Variants in SNX29 observed in about 807,000 individuals in gnomAD.
SNX29 encodes the protein sorting nexin-29.
SNX29 carries 78 observed loss-of-function variants against 102.1 expected under a neutral mutation model. The observed-to-expected ratio is 0.76, with a 90% confidence interval of 0.64 to 0.92. The LOEUF is 0.92. Ranked by LOEUF, SNX29 falls within the 40% of genes least tolerant of loss-of-function variation. The pLI is 0.00. For missense variants in SNX29, 1,280 were observed against 1,061.7 expected (o/e 1.21, Z -2.86); for synonymous variants, 580 against 414.5 (o/e 1.40, Z -4.85).
chr16:12,125,902 ACC>A (rs2054195623), intron 11 of SNX29, among the ~76,000 whole-genome samples: 1 of 151,760 alleles, frequency 6.6e-6, no homozygotes, highest in East Asian at 1.9e-4. Context: ...AGCACTGGGG[ACC>A]CCCTTCTCCC....
At chr16:12,251,080 C>T (rs1395175096) in intron 14 of SNX29, among the ~76,000 whole-genome samples, 1 of 152,226 alleles carries the variant, frequency 6.6e-6, no homozygotes, top group African/African-American at 2.4e-5. Context: ...TCACCAAGAT[C>T]CTGCTTTGTT....
intron 16 of SNX29, among the ~76,000 whole-genome samples, chr16:12,368,917 G>A (rs9284322): frequency 0.52 from 79,199 of 151,932 alleles, 21,158 homozygotes; most frequent in Non-Finnish European, 0.59. Context: ...CATCTGAACC[G>A]GGTGCACAGA....
intron 16 of SNX29, among the ~76,000 whole-genome samples, chr16:12,356,871 C>G (rs1429540223): frequency 6.6e-6 from 1 of 152,234 alleles, no homozygotes; most frequent in Admixed American, 6.5e-5. Context: ...CAGGTTTTGA[C>G]AACCACAAAT....
intron 1 of SNX29, among the ~76,000 whole-genome samples, chr16:11,979,728 C>T (rs2055374730): frequency 6.6e-6 from 1 of 152,148 alleles, no homozygotes; most frequent in Non-Finnish European, 1.5e-5. Flanking sequence ...GGACTATAGA[C>T]ATGTACCACC....
chr16:12,264,990 C>G (rs1474742749), intron 14 of SNX29, among the ~76,000 whole-genome samples: 1 of 152,134 alleles, frequency 6.6e-6, no homozygotes, highest in Non-Finnish European at 1.5e-5. Context: ...GATACATCTG[C>G]TGTTTGGAAT....
At chr16:11,993,497 G>C (rs145402525) in intron 1 of SNX29, among the ~76,000 whole-genome samples, 121 of 152,274 alleles carry the variant, frequency 7.9e-4, no homozygotes, top group African/African-American at 2.8e-3. Flanking sequence ...CAACAATGAT[G>C]ATAATGATAG....
chr16:12,569,989 C>G lies in SNX29; in HGVS notation c.*1360C>G, dbSNP rs577893268. 2.4e-5 allele frequency: 6 copies of G among 254,946 alleles called. No homozygotes were observed. Among genetic ancestry groups the G allele is most frequent in the Non-Finnish European group, 4.3e-5 (6 of 138,110 alleles). 15.8% of individuals were successfully genotyped at this position (254,946 alleles called of 1,614,324 possible). On this transcript the variant is annotated 3_prime_UTR_variant, in exon 21 of 21. Transcript: ENST00000566228. ...CCATGGGCTTGTCCTGGAACTGCTT[C>G]AACTCAGTGGCTTAAAATGAGAACT...
intron 20 of SNX29, among the ~76,000 whole-genome samples, chr16:12,541,723 C>T (rs973377982): frequency 6.6e-6 from 1 of 152,120 alleles, no homozygotes; most frequent in Non-Finnish European, 1.5e-5. Context: ...TTCCTGTCAC[C>T]TCCTGTCTTT....
intron 14 of SNX29, among the ~76,000 whole-genome samples, chr16:12,263,421 C>A (rs1363088639): frequency 6.6e-6 from 1 of 152,198 alleles, no homozygotes; most frequent in Non-Finnish European, 1.5e-5. Context: ...AGCCACCGTG[C>A]CTGGCCCCAA....
intron 18 of SNX29, among the ~76,000 whole-genome samples, chr16:12,425,838 C>T (rs1597338283): frequency 6.6e-6 from 1 of 152,054 alleles, no homozygotes; most frequent in East Asian, 1.9e-4. Context: ...TTTCATGCTG[C>T]TTTTTTCTAC....
At chr16:12,168,796 T>A (rs1353678923) in intron 13 of SNX29, among the ~76,000 whole-genome samples, 1 of 152,244 alleles carries the variant, frequency 6.6e-6, no homozygotes, top group African/African-American at 2.4e-5. Context: ...TCTGGTAGAT[T>A]TGCCCTCTAG....
At chr16:12,135,427 T>G in intron 13 of SNX29, 1 of 1,011,604 alleles carries the variant, frequency 9.9e-7, no homozygotes, top group South Asian at 1.4e-5. Flanking sequence ...GCCTGGACAG[T>G]TGGGTTGCTC....
intron 5 of SNX29, among the ~76,000 whole-genome samples, chr16:12,046,169 C>T (rs1442768383): frequency 2.0e-5 from 3 of 152,170 alleles, no homozygotes; most frequent in Non-Finnish European, 2.9e-5. Flanking sequence ...AGCTGAGGGT[C>T]GGCAGGGGGA....
chr16:12,052,389 G>C (rs1234020988), intron 8 of SNX29, 167 bp downstream of exon 8: 5 of 640,212 alleles, frequency 7.8e-6, no homozygotes, highest in Middle Eastern at 3.4e-4. Flanking sequence ...GCTAATTTTT[G>C]TATTTTTAGT....
chr16:12,170,938 C>T (rs1009005924), intron 13 of SNX29, among the ~76,000 whole-genome samples: 3 of 152,022 alleles, frequency 2.0e-5, no homozygotes, highest in African/African-American at 4.8e-5. Flanking sequence ...GTAGGATTTA[C>T]TGACGACCTG....
intron 3 of SNX29, among the ~76,000 whole-genome samples, chr16:12,006,185 T>C (rs2151035246): frequency 6.7e-6 from 1 of 148,814 alleles, no homozygotes; most frequent in South Asian, 2.1e-4. Context: ...GCTTGGGCAA[T>C]AGACAGAGAC....
intron 20 of SNX29, among the ~76,000 whole-genome samples, chr16:12,549,286 G>A (rs2077810997): frequency 2.0e-5 from 3 of 152,188 alleles, no homozygotes; most frequent in South Asian, 2.1e-4. Flanking sequence ...CTCAGGGTCA[G>A]AAGTTGGAAA....
intron 18 of SNX29, among the ~76,000 whole-genome samples, chr16:12,468,850 C>A (rs1049637254): frequency 2.0e-5 from 3 of 152,184 alleles, no homozygotes; most frequent in Non-Finnish European, 4.4e-5. Context: ...CTCATCATGT[C>A]TAAAAACTAA....
chr16:12,171,185 C>G (rs1323232734), intron 13 of SNX29, among the ~76,000 whole-genome samples: 2 of 152,110 alleles, frequency 1.3e-5, no homozygotes, highest in Non-Finnish European at 2.9e-5. Context: ...TCCTACTGAC[C>G]TGTATTATTC....
Sources: allele counts gnomAD v4.1 joint callset (sites outside exome capture counted in the v4.1 genomes callset), GRCh38; gene constraint gnomAD v4.1.1; transcripts MANE v1.5; gene names NCBI Gene and HGNC (gene_info 2026-07-23, HGNC 2026-07-21).